The following LARP1 variants were observed in gnomAD, a reference collection of about 807,000 sequenced individuals.
LARP1 encodes the protein la-related protein 1.
Under a neutral mutation model 122.7 loss-of-function variants are expected in LARP1, and 36 were observed. That is an observed-to-expected ratio of 0.29 (90% CI 0.22 to 0.39). LARP1 has a LOEUF of 0.39. LARP1 is among the 10% of genes least tolerant of loss of function. The pLI is 1.00. For missense variants in LARP1, 1,040 were observed against 1,403.6 expected, an observed-to-expected ratio of 0.74 and a Z score of 4.14; for synonymous variants, 539 against 528.7, an observed-to-expected ratio of 1.02 and a Z score of -0.27.
Position 154,712,979 on chromosome 5 carries a change from G to C in LARP1, c.54G>C (p.Leu18=), listed in dbSNP as rs770781641. 1.9e-6 allele frequency: 3 copies of C among 1,614,072 alleles called. No individual in the cohort carries two copies. In the African/African-American group the frequency reaches 4.0e-5, roughly 22 times the overall value. ...GGCCTCCTTTCCCTCACCCAGAGCT[G>C]GATTTCCAAGAGGCTCCCATACCTA... Residue 18 remains leucine, a synonymous_variant, in exon 1 of 19, where the codon CTG becomes CTC. Coordinates refer to the LARP1 transcript ENST00000336314.
rs189872726 is a variant in LARP1, at chr5:154,794,412, G to C, written c.1232+150G>C. On this transcript the variant is annotated intron_variant, in intron 7 of 18. Coordinates refer to ENST00000518297, the MANE Select transcript of LARP1 (RefSeq NM_033551.3). ...GCTTTTCTCATTGTTTATTAAAGAA[G>C]TGATACCACATTCTCATTGTTTATT... is the stretch of plus-strand genomic sequence containing the variant. 1.7e-3 allele frequency: 1,223 copies of C among 703,856 alleles called. 3 individuals are homozygous for C. Among genetic ancestry groups the C allele is most frequent in the Non-Finnish European group, 2.6e-3 (1,128 of 432,036 alleles). The allele number at this position is 703,856 out of a possible 1,614,324, so 43.6% of individuals were successfully genotyped here.
At chr5:154,707,165 T>TC in intron 1 of LARP1, among the ~76,000 whole-genome samples, 1 of 152,140 alleles carries the variant, frequency 6.6e-6, no homozygotes, top group East Asian at 1.9e-4. Flanking sequence ...GAGCCTGCAA[T>TC]CCCAGCACTT....
chr5:154,751,382 G>A (rs543695616), upstream of LARP1, among the ~76,000 whole-genome samples: 9 of 152,300 alleles, frequency 5.9e-5, no homozygotes, highest in East Asian at 1.3e-3. Flanking sequence ...GCACATAGTA[G>A]GGGCTCAGTA....
At chr5:154,733,806 G>A (rs184929234) in intron 1 of LARP1, among the ~76,000 whole-genome samples, 4 of 151,974 alleles carry the variant, frequency 2.6e-5, no homozygotes, top group Admixed American at 6.6e-5. Context: ...CAGATGATTC[G>A]CCCACCTCGG....
chr5:154,783,381 A>C (rs963924678), intron 1 of LARP1, among the ~76,000 whole-genome samples: 1 of 152,238 alleles, frequency 6.6e-6, no homozygotes, highest in African/African-American at 2.4e-5. Flanking sequence ...ACTTCCAACC[A>C]CCGAGGTGCC....
At chr5:154,760,174 G>A (rs375819005) in intron 1 of LARP1, among the ~76,000 whole-genome samples, 1 of 152,090 alleles carries the variant, frequency 6.6e-6, no homozygotes, top group East Asian at 1.9e-4. Flanking sequence ...CCGACCTCAG[G>A]TGATCCACCT....
chr5:154,805,817 C>G, intron 14 of LARP1, 64 bp from the exon 15 acceptor site: 1 of 1,542,922 alleles, frequency 6.5e-7, no homozygotes, highest in South Asian at 1.2e-5. Flanking sequence ...TCAGAGGGAC[C>G]CCTCCTGACA....
intron 1 of LARP1, among the ~76,000 whole-genome samples, chr5:154,761,346 AGGGTCGG>A (rs1392255187): frequency 6.6e-6 from 1 of 152,036 alleles, no homozygotes; most frequent in Non-Finnish European, 1.5e-5. Flanking sequence ...GAACCTCCTG[AGGGTCGG>A]GGTCTTTCTG....
intron 1 of LARP1, among the ~76,000 whole-genome samples, chr5:154,761,702 CA>C (rs1754462656): frequency 6.6e-6 from 1 of 152,076 alleles, no homozygotes; most frequent in Non-Finnish European, 1.5e-5. Context: ...GCCTGGGATT[CA>C]AGAAAGGAAG....
chr5:154,716,353 T>C (rs1292455285), intron 1 of LARP1, among the ~76,000 whole-genome samples: 2 of 152,136 alleles, frequency 1.3e-5, no homozygotes, highest in East Asian at 1.9e-4. Flanking sequence ...ATTCCTGACC[T>C]CAGGTGATCT....
At chr5:154,743,762 G>A (rs914299024) in intron 1 of LARP1, among the ~76,000 whole-genome samples, 1 of 151,798 alleles carries the variant, frequency 6.6e-6, no homozygotes, top group South Asian at 2.1e-4. Context: ...TGGGATTACA[G>A]GCACCCGCCA....
chr5:154,814,308 C>A lies in LARP1; in HGVS notation c.*212C>A. On this transcript the variant is annotated 3_prime_UTR_variant, in exon 19 of 19. Coordinates refer to ENST00000518297, the MANE Select transcript of LARP1 (RefSeq NM_033551.3). ...TACATCCCCTTCCCCCTCCTCTCTCCATGACTCTTGACATCCTAGCTTCTT... is the reference window on the plus strand; with the variant it reads ...TACATCCCCTTCCCCCTCCTCTCTCAATGACTCTTGACATCCTAGCTTCTT... 1 of 488,760 alleles carries A rather than the reference C, an allele frequency of 2.0e-6. No individual in the cohort carries two copies. The highest frequency in any genetic ancestry group is 3.5e-5 in the South Asian group (1 of 28,318). 30.3% of individuals were successfully genotyped at this position (488,760 alleles called of 1,614,324 possible). A position where few individuals can be genotyped will look rare whatever the true frequency, so the allele number is the denominator to read the frequency against.
At chr5:154,719,722 C>T (rs533578424) in intron 1 of LARP1, among the ~76,000 whole-genome samples, 16 of 151,772 alleles carry the variant, frequency 1.1e-4, no homozygotes, top group Non-Finnish European at 2.4e-4. Flanking sequence ...ATTAGCTGGA[C>T]ACGGTGGCAC....
At chr5:154,700,185 AAATT>A (rs1754648144) in intron 1 of LARP1, among the ~76,000 whole-genome samples, 1 of 152,222 alleles carries the variant, frequency 6.6e-6, no homozygotes, top group Non-Finnish European at 1.5e-5. Flanking sequence ...TTAAAAATCA[AAATT>A]AATGCAAAAA....
At chr5:154,811,403 C>T (rs1195571820) in intron 17 of LARP1, 47 bp downstream of exon 17, 5 of 1,608,138 alleles carry the variant, frequency 3.1e-6, no homozygotes, top group African/African-American at 1.3e-5. Context: ...ATGTAGGCCT[C>T]CTCTTCCCCA....
chr5:154,799,107 C>T (rs1348433856), intron 8 of LARP1, among the ~76,000 whole-genome samples: 2 of 152,242 alleles, frequency 1.3e-5, no homozygotes, highest in Non-Finnish European at 2.9e-5. Context: ...TGTGATCTGC[C>T]TGCCTGGGGC....
In LARP1 at chr5:154,800,030, A is replaced by T. The variant is rs1758213559; in HGVS notation, c.1704A>T (p.Pro568=). The change falls in exon 10 of 19, where the codon CCA becomes CCT. Residue 568 remains proline, a synonymous_variant. Transcript: ENST00000518297. The part of the protein sequence containing the change: ...IEVKKRPRPS[P]ARPKKSEESR... ...TGAAGAAGAGGCCTCGGCCATCCCC[A>T]GCACGGCCCAAGGTGGGTGAGGCCT... 1 of 1,613,488 alleles carries T rather than the reference A, an allele frequency of 6.2e-7. No individual in the cohort carries two copies. Among genetic ancestry groups the T allele is most frequent in the Non-Finnish European group, 8.5e-7 (1 of 1,179,958 alleles).
chr5:154,778,168 G>A (rs1267514582), intron 1 of LARP1, among the ~76,000 whole-genome samples: 1 of 151,764 alleles, frequency 6.6e-6, no homozygotes, highest in Non-Finnish European at 1.5e-5. Flanking sequence ...GCTGAGGCAG[G>A]AGAATGGCGT....
intron 1 of LARP1, among the ~76,000 whole-genome samples, chr5:154,684,001 T>G (rs1747731612): frequency 6.6e-6 from 1 of 152,132 alleles, no homozygotes; most frequent in Admixed American, 6.5e-5. Context: ...TCTGGTATAT[T>G]TGGTTATAAG....
Sources: allele counts gnomAD v4.1 joint callset (sites outside exome capture counted in the v4.1 genomes callset), GRCh38; gene constraint gnomAD v4.1.1; transcripts MANE v1.5; gene names NCBI Gene and HGNC (gene_info 2026-07-23, HGNC 2026-07-21).